CCDC144A: variants seen among roughly 807,000 people sequenced by gnomAD.
The protein encoded by CCDC144A is coiled-coil domain-containing protein 144A.
A neutral mutation model predicts 143.8 loss-of-function variants in CCDC144A; 41 were observed. The observed-to-expected ratio is 0.29, with a 90% CI of 0.22 to 0.37. The LOEUF is 0.37. Ranked by LOEUF, CCDC144A falls within the 10% of genes least tolerant of loss-of-function variation. The pLI, the probability that CCDC144A is intolerant of heterozygous loss-of-function variation, is 1.00. For synonymous variants in CCDC144A, 242 were observed against 517.9 expected, an observed-to-expected ratio of 0.47 and a Z score of 7.23; for missense variants, 637 against 1,488.8, an observed-to-expected ratio of 0.43 and a Z score of 9.41.
intron 2 of CCDC144A, among the ~76,000 whole-genome samples, chr17:16,697,262 C>A (rs1372990101): frequency 5.3e-5 from 8 of 152,070 alleles, no homozygotes; most frequent in Non-Finnish European, 1.2e-4. Flanking sequence ...GATTGGCAAG[C>A]ATTTTCTGTA....
intron 12 of CCDC144A, among the ~76,000 whole-genome samples, chr17:16,740,841 T>C (rs1253784930): frequency 6.6e-6 from 1 of 152,256 alleles, no homozygotes; most frequent in Non-Finnish European, 1.5e-5. Flanking sequence ...CAAATATTTC[T>C]GGTTTTTTCA....
In CCDC144A at chr17:16,690,268, C is replaced by A; in HGVS notation, c.-133C>A. 1 of 596,102 alleles carries A rather than the reference C, an allele frequency of 1.7e-6. No homozygotes were observed. Among genetic ancestry groups the A allele is most frequent in the South Asian group, 2.9e-5 (1 of 33,908 alleles). 36.9% of individuals were successfully genotyped at this position (596,102 alleles called of 1,614,324 possible). A position where few individuals can be genotyped will look rare whatever the true frequency, so the allele number is the denominator to read the frequency against. On this transcript the variant is annotated 5_prime_UTR_variant, in exon 1 of 17. Coordinates refer to ENST00000399273, the MANE Select transcript of CCDC144A (RefSeq NM_001382000.1). The stretch of plus-strand genomic sequence containing the variant: ...GGCTTTGCGGTGGCTGTTGGCTTGG[C>A]GGTGGTCGCTTGGCTTGGCGTGGCA...
the CCDC144A span, among the ~76,000 whole-genome samples, chr17:16,682,903 T>G: frequency 0.086 from 10,030 of 116,954 alleles, 790 homozygotes; most frequent in East Asian, 0.29. Context: ...TTTTTTTTTT[T>G]TTTTTTTTTT....
At chr17:16,766,715 G>T (rs1171309131) in intron 15 of CCDC144A, among the ~76,000 whole-genome samples, 1 of 152,090 alleles carries the variant, frequency 6.6e-6, no homozygotes, top group Non-Finnish European at 1.5e-5. Flanking sequence ...ACTCCAACCT[G>T]GGCGACAGAG....
chr17:16,753,532 A>G (rs1192435142), intron 12 of CCDC144A, among the ~76,000 whole-genome samples: 3 of 141,298 alleles, frequency 2.1e-5, no homozygotes, highest in Non-Finnish European at 4.5e-5. Context: ...GAATAGTGGG[A>G]CGGCCTTCTT....
At chr17:16,749,947 C>T (rs3883340) in intron 12 of CCDC144A, among the ~76,000 whole-genome samples, 1 of 152,212 alleles carries the variant, frequency 6.6e-6, no homozygotes, top group Non-Finnish European at 1.5e-5. Flanking sequence ...GATCTTCGTC[C>T]ATCTCTTTAC....
chr17:16,686,747 AACACAC>A (rs142329474), upstream of CCDC144A, among the ~76,000 whole-genome samples: 1,201 of 140,452 alleles, frequency 8.6e-3, 4 homozygotes, highest in Middle Eastern at 0.022. Context: ...CACACACACA[AACACAC>A]ACACACACAC....
At chr17:16,768,815 C>T (rs1915712029) in intron 15 of CCDC144A, among the ~76,000 whole-genome samples, 1 of 150,808 alleles carries the variant, frequency 6.6e-6, no homozygotes, top group Admixed American at 6.6e-5. Context: ...CTAACTACTC[C>T]CCTCTTTAAA....
At chr17:16,734,170 T>C (rs1913889108) in intron 11 of CCDC144A, among the ~76,000 whole-genome samples, 1 of 148,800 alleles carries the variant, frequency 6.7e-6, no homozygotes, top group Non-Finnish European at 1.5e-5. Flanking sequence ...CCTAATATAA[T>C]GCTTAGATTT....
chr17:16,690,801 C>G lies in CCDC144A; in HGVS notation c.344+57C>G, dbSNP rs1004422825. 2.0e-5 allele frequency: 30 copies of G among 1,526,090 alleles called. No homozygotes were observed. The South Asian group carries it at 3.8e-4, about 19-fold the overall frequency. The allele number at this position is 1,526,090 out of a possible 1,614,324, so 94.5% of individuals were successfully genotyped here. A position where few individuals can be genotyped will look rare whatever the true frequency, so the allele number is the denominator to read the frequency against. On this transcript the variant is annotated intron_variant, in intron 1 of 16. Coordinates refer to ENST00000399273, the MANE Select transcript of CCDC144A (RefSeq NM_001382000.1). ...TCGGGGACACTGGCTTTCTGGTGCC[C>G]GCAGGCCCCACGGCACCCGGGATGG...
At chr17:16,691,606 CA>C (rs201650488) in intron 1 of CCDC144A, among the ~76,000 whole-genome samples, 25 of 148,318 alleles carry the variant, frequency 1.7e-4, no homozygotes, top group Non-Finnish European at 2.4e-4. Context: ...CTAAAAAATA[CA>C]AAAAAAAAAT....
chr17:16,737,485 A>G (rs1191104662), intron 12 of CCDC144A: 4 of 1,263,904 alleles, frequency 3.2e-6, no homozygotes, highest in East Asian at 5.6e-5. Context: ...TCTTACTACC[A>G]TAATTTAATA....
At chr17:16,773,271 G>A (rs1440368963) in intron 16 of CCDC144A, among the ~76,000 whole-genome samples, 4 of 151,846 alleles carry the variant, frequency 2.6e-5, no homozygotes, top group East Asian at 1.9e-4. Context: ...CCAACATGAC[G>A]AAACCCTGCC....
chr17:16,751,278 G>A (rs1914777701), intron 12 of CCDC144A, among the ~76,000 whole-genome samples: 1 of 151,794 alleles, frequency 6.6e-6, no homozygotes, highest in African/African-American at 2.4e-5. Flanking sequence ...TTTTTTCTGG[G>A]TGGTTTCAGA....
the CCDC144A span, among the ~76,000 whole-genome samples, chr17:16,675,975 C>T: frequency 2.0e-5 from 3 of 151,766 alleles, no homozygotes; most frequent in Admixed American, 6.6e-5. Context: ...GTCTTGATCT[C>T]CTCACCTCGT....
chr17:16,682,075 G>A, the CCDC144A span, among the ~76,000 whole-genome samples: 2 of 151,976 alleles, frequency 1.3e-5, no homozygotes, highest in African/African-American at 4.8e-5. Context: ...AGCCCTGACC[G>A]TGTGAGGGAA....
intron 2 of CCDC144A, among the ~76,000 whole-genome samples, chr17:16,699,306 C>T (rs1357058934): frequency 1.3e-5 from 2 of 148,474 alleles, no homozygotes; most frequent in Non-Finnish European, 3.0e-5. Flanking sequence ...TCTCTTCTCC[C>T]GGCCAGATAA....
At chr17:16,698,577 A>C (rs1391418592) in intron 2 of CCDC144A, among the ~76,000 whole-genome samples, 2 of 152,078 alleles carry the variant, frequency 1.3e-5, no homozygotes, top group Non-Finnish European at 2.9e-5. Context: ...AATTGTCTAA[A>C]CCTAAGGTCA....
intron 15 of CCDC144A, chr17:16,764,886 C>G (rs1475506214): frequency 5.7e-5 from 8 of 139,926 alleles, no homozygotes; most frequent in South Asian, 2.4e-4. Context: ...AGTTTTGTCT[C>G]TCTACCTGGC....
Sources: allele counts gnomAD v4.1 joint callset (sites outside exome capture counted in the v4.1 genomes callset), GRCh38; gene constraint gnomAD v4.1.1; transcripts MANE v1.5; gene names NCBI Gene and HGNC (gene_info 2026-07-23, HGNC 2026-07-21).